Variants in ZFHX3 observed in about 807,000 individuals in gnomAD.
The protein encoded by ZFHX3 is zinc finger homeobox protein 3.
ZFHX3 carries 42 observed loss-of-function variants against 279.1 expected under a neutral mutation model. That is an observed-to-expected ratio of 0.15 (90% confidence interval 0.12 to 0.19). The LOEUF (loss-of-function observed/expected upper bound fraction) is 0.19. Ranked by LOEUF, ZFHX3 falls within the 10% of genes least tolerant of loss-of-function variation. ZFHX3 has a pLI of 1.00. For missense variants in ZFHX3, 4,981 were observed against 4,754.0 expected, an observed-to-expected ratio of 1.05 and a Z score of -1.40; for synonymous variants, 2,293 against 1,957.8, an observed-to-expected ratio of 1.17 and a Z score of -4.52.
chr16:73,192,520 C>T (rs973673041), intron 5 of ZFHX3, among the ~76,000 whole-genome samples: 1 of 152,128 alleles, frequency 6.6e-6, no homozygotes. Context: ...TCGACAGCTC[C>T]TGAGAAATGG....
chr16:73,537,562 C>T (rs557057571), intron 2 of ZFHX3, among the ~76,000 whole-genome samples: 7 of 152,194 alleles, frequency 4.6e-5, no homozygotes, highest in South Asian at 2.1e-4. Flanking sequence ...GTGATTCACC[C>T]GCCTCGGCCT....
At chr16:73,020,063 A>T (rs913488975) in intron 1 of ZFHX3, among the ~76,000 whole-genome samples, 1 of 152,172 alleles carries the variant, frequency 6.6e-6, no homozygotes, top group African/African-American at 2.4e-5. Flanking sequence ...CATCTCACAC[A>T]GATCCTTCAC....
chr16:73,735,382 TA>T (rs1310717929), intron 1 of ZFHX3, among the ~76,000 whole-genome samples: 7,923 of 102,250 alleles, frequency 0.077, 344 homozygotes, highest in African/African-American at 0.17. Context: ...TGTGTGCTTC[TA>T]AAAAAAAAAA....
intron 1 of ZFHX3, among the ~76,000 whole-genome samples, chr16:73,034,748 C>A (rs1567643426): frequency 6.6e-6 from 1 of 152,216 alleles, no homozygotes; most frequent in East Asian, 1.9e-4. Context: ...GCTGCCACTG[C>A]TGGTCTTCTG....
chr16:73,266,201 G>C (rs116353832), intron 4 of ZFHX3, among the ~76,000 whole-genome samples: 2,070 of 152,242 alleles, frequency 0.014, 54 homozygotes, highest in African/African-American at 0.047. Context: ...GTATCCAGTG[G>C]GCAGTTGCGA....
Position 72,958,887 on chromosome 16 carries a change from A to C in ZFHX3, c.1259T>G (p.Leu420Arg), listed in dbSNP as rs1961408321. ...VLKTPITSVP[L>R]GPLASSPTKS... Reference sequence around the variant, plus strand: ...GGTAGGACTGGAAGCCAGAGGCCCCAGGGGGACTGAGGTAATGGGGGTCTT... The same window carrying C: ...GGTAGGACTGGAAGCCAGAGGCCCCCGGGGGACTGAGGTAATGGGGGTCTT... Residue 420 changes from leucine to arginine, a missense_variant, in exon 2 of 10, where the codon CTG becomes CGG. Transcript: ENST00000268489. The C allele has an allele frequency of 1.9e-6, 3 of 1,610,162 alleles. No individual in the cohort carries two copies. Among genetic ancestry groups the C allele is most frequent in the Non-Finnish European group, 2.5e-6 (3 of 1,177,974 alleles).
At chr16:72,841,540 G>T (rs2037345870) in intron 4 of ZFHX3, among the ~76,000 whole-genome samples, 1 of 152,140 alleles carries the variant, frequency 6.6e-6, no homozygotes, top group Non-Finnish European at 1.5e-5. Flanking sequence ...CAAAGCCTCT[G>T]TTTTTTTAAA....
intron 2 of ZFHX3, among the ~76,000 whole-genome samples, chr16:73,614,660 C>T (rs1337170218): frequency 6.6e-6 from 1 of 152,164 alleles, no homozygotes; most frequent in Admixed American, 6.5e-5. Flanking sequence ...GACCGCTCTA[C>T]AGGAGAAAAG....
At chr16:73,787,592 T>G (rs767797490) in intron 1 of ZFHX3, among the ~76,000 whole-genome samples, 1 of 152,146 alleles carries the variant, frequency 6.6e-6, no homozygotes, top group Non-Finnish European at 1.5e-5. Flanking sequence ...TGTTTAGTCC[T>G]AGGAATGAAG....
At chr16:72,812,347 A>G (rs1047923403) in intron 5 of ZFHX3, among the ~76,000 whole-genome samples, 1 of 148,564 alleles carries the variant, frequency 6.7e-6, no homozygotes, top group Non-Finnish European at 1.5e-5. Flanking sequence ...CCCCCAATCT[A>G]GATACAATCT....
At chr16:73,415,181 C>T (rs529534095) in intron 3 of ZFHX3, among the ~76,000 whole-genome samples, 107 of 152,118 alleles carry the variant, frequency 7.0e-4, no homozygotes, top group African/African-American at 2.6e-3. Flanking sequence ...GCAAGATAGG[C>T]AAAATAATCA....
At chr16:73,522,265 C>A (rs1335423673) in intron 2 of ZFHX3, among the ~76,000 whole-genome samples, 1 of 152,148 alleles carries the variant, frequency 6.6e-6, no homozygotes, top group Non-Finnish European at 1.5e-5. Flanking sequence ...CTGGAAAAAG[C>A]AAAGACATAA....
At chr16:72,971,529 C>T (rs539621864) in intron 1 of ZFHX3, among the ~76,000 whole-genome samples, 1 of 152,308 alleles carries the variant, frequency 6.6e-6, no homozygotes, top group East Asian at 1.9e-4. Context: ...GTAAGCCTCC[C>T]TTACCACTCT....
At chr16:73,442,557 A>G (rs1031871095) in intron 3 of ZFHX3, among the ~76,000 whole-genome samples, 2 of 152,176 alleles carry the variant, frequency 1.3e-5, no homozygotes, top group Non-Finnish European at 1.5e-5. Context: ...ATGAGATGAC[A>G]TAGGTGATTA....
intron 4 of ZFHX3, among the ~76,000 whole-genome samples, chr16:72,877,090 A>T (rs2038333516): frequency 6.6e-6 from 1 of 152,246 alleles, no homozygotes; most frequent in Admixed American, 6.5e-5. Context: ...TCCTGATTAA[A>T]GCAAAGCTCA....
chr16:73,869,978 G>A (rs1487779513), intron 1 of ZFHX3, among the ~76,000 whole-genome samples: 1 of 152,202 alleles, frequency 6.6e-6, no homozygotes, highest in Non-Finnish European at 1.5e-5. Flanking sequence ...TCTTCTCTCA[G>A]TGTCAAGCTT....
intron 4 of ZFHX3, among the ~76,000 whole-genome samples, chr16:72,861,328 A>G (rs992314265): frequency 6.6e-6 from 1 of 152,218 alleles, no homozygotes; most frequent in Non-Finnish European, 1.5e-5. Context: ...TAATAATGCA[A>G]TGTGAACCCA....
intron 8 of ZFHX3, among the ~76,000 whole-genome samples, chr16:73,070,088 C>T (rs1965803810): frequency 6.6e-6 from 1 of 152,154 alleles, no homozygotes; most frequent in Non-Finnish European, 1.5e-5. Flanking sequence ...TCCTTTCATA[C>T]CATTTTTAAA....
chr16:73,436,636 C>T (rs1376279443), intron 3 of ZFHX3, among the ~76,000 whole-genome samples: 1 of 152,102 alleles, frequency 6.6e-6, no homozygotes, highest in Non-Finnish European at 1.5e-5. Context: ...CCACCCACTG[C>T]CACTGCTACC....
Sources: allele counts gnomAD v4.1 joint callset (sites outside exome capture counted in the v4.1 genomes callset), GRCh38; gene constraint gnomAD v4.1.1; transcripts MANE v1.5; gene names NCBI Gene and HGNC (gene_info 2026-07-23, HGNC 2026-07-21).